The following PHF24 variants were observed in gnomAD, a reference collection of about 807,000 sequenced individuals.
PHF24 encodes PHD finger protein 24.
In PHF24, 25 loss-of-function variants were observed where a neutral mutation model predicts 42.6. The ratio of observed to expected loss-of-function variants is 0.59; its 90% CI spans 0.43 to 0.82. PHF24 has a LOEUF of 0.82. Among genes scored for constraint, PHF24 ranks in the 40% least tolerant of loss-of-function variants. The pLI is 0.00. For synonymous variants in PHF24, 185 were observed against 204.8 expected (o/e 0.90, Z 0.83); for missense variants, 470 against 538.1 (o/e 0.87, Z 1.25).
At chr9:34,906,283 G>A in the PHF24 span, among the ~76,000 whole-genome samples, 2 of 152,198 alleles carry the variant, frequency 1.3e-5, no homozygotes, top group East Asian at 3.9e-4. Context: ...TACATTTTAG[G>A]GAGGCAGAAG....
At chr9:34,711,367 C>T in the PHF24 span, among the ~76,000 whole-genome samples, 1 of 151,430 alleles carries the variant, frequency 6.6e-6, no homozygotes. Context: ...CCACCTCAGT[C>T]TCCTGAGTAG....
chr9:34,922,830 T>C, the PHF24 span: 24 of 1,592,208 alleles, frequency 1.5e-5, no homozygotes, highest in Non-Finnish European at 2.0e-5. Context: ...AGCTCCTTGC[T>C]CAGTTACAGA....
chr9:34,750,413 C>T, the PHF24 span, among the ~76,000 whole-genome samples: 5,785 of 151,730 alleles, frequency 0.038, 382 homozygotes, highest in African/African-American at 0.13. Context: ...TTGCTTGAAC[C>T]CAGGAGGCAG....
chr9:34,906,213 A>C, the PHF24 span, among the ~76,000 whole-genome samples: 1 of 152,026 alleles, frequency 6.6e-6, no homozygotes, highest in Non-Finnish European at 1.5e-5. Flanking sequence ...CCTGGGTAAC[A>C]TAGTCTCAAG....
chr9:34,873,827 C>T, the PHF24 span, among the ~76,000 whole-genome samples: 3 of 151,132 alleles, frequency 2.0e-5, no homozygotes, highest in Admixed American at 1.3e-4. Context: ...TTGATTCTTC[C>T]TACCCATGAG....
the PHF24 span, among the ~76,000 whole-genome samples, chr9:34,870,630 C>A: frequency 2.7e-5 from 4 of 149,906 alleles, no homozygotes; most frequent in African/African-American, 9.8e-5. Flanking sequence ...TGCAGTGGTA[C>A]AATCATGTCT....
At chr9:34,899,248 C>T in the PHF24 span, among the ~76,000 whole-genome samples, 2 of 152,196 alleles carry the variant, frequency 1.3e-5, no homozygotes, top group Admixed American at 6.5e-5. Flanking sequence ...GAGGGCTGCA[C>T]AACTATCAAG....
the PHF24 span, chr9:34,724,287 G>A: frequency 1.9e-6 from 3 of 1,551,492 alleles, no homozygotes; most frequent in East Asian, 2.4e-5. Context: ...GAACCCTGGG[G>A]TACAGCTTTG....
At chr9:34,927,924 G>A in the PHF24 span, among the ~76,000 whole-genome samples, 17 of 152,218 alleles carry the variant, frequency 1.1e-4, no homozygotes, top group South Asian at 3.5e-3. Flanking sequence ...TGAAACTTAT[G>A]TTTTAAAACA....
chr9:34,910,812 G>C, the PHF24 span, among the ~76,000 whole-genome samples: 1 of 151,548 alleles, frequency 6.6e-6, no homozygotes, highest in Non-Finnish European at 1.5e-5. Flanking sequence ...TATATGACTT[G>C]TATCTTGTCT....
At chr9:34,841,201 G>A in the PHF24 span, among the ~76,000 whole-genome samples, 9 of 151,914 alleles carry the variant, frequency 5.9e-5, no homozygotes, top group African/African-American at 1.7e-4. Context: ...GGATTTCACC[G>A]TGTTAGCCAG....
the PHF24 span, among the ~76,000 whole-genome samples, chr9:34,703,586 G>A: frequency 6.6e-6 from 1 of 151,826 alleles, no homozygotes; most frequent in Non-Finnish European, 1.5e-5. Context: ...GCCAAAGTGT[G>A]GCCCAAGTAT....
chr9:34,889,483 T>C, the PHF24 span: 4 of 398,520 alleles, frequency 1.0e-5, no homozygotes, highest in African/African-American at 2.1e-5. Context: ...TTGGTGACAG[T>C]TGGACTCTTC....
At chr9:34,952,788 A>G (rs1048505036), upstream of PHF24, among the ~76,000 whole-genome samples, 1 of 152,230 alleles carries the variant, frequency 6.6e-6, no homozygotes, top group African/African-American at 2.4e-5. Context: ...TATTTAATAT[A>G]TACTCTTTGA....
chr9:34,837,058 T>G, the PHF24 span: 3 of 471,216 alleles, frequency 6.4e-6, no homozygotes, highest in African/African-American at 6.0e-5. Context: ...CAAACAGCAA[T>G]AGATCACCTT....
At chr9:34,732,575 A>G in the PHF24 span, among the ~76,000 whole-genome samples, 1 of 151,924 alleles carries the variant, frequency 6.6e-6, no homozygotes, top group South Asian at 2.1e-4. Flanking sequence ...TTGTCTCTTC[A>G]CTTTGTTGAT....
chr9:34,665,945 C>T, the PHF24 span: 4 of 522,094 alleles, frequency 7.7e-6, no homozygotes, highest in Non-Finnish European at 1.4e-5. Context: ...AGATTTGGGG[C>T]CCTGGGTGAG....
chr9:34,832,347 G>A, the PHF24 span: 3 of 729,762 alleles, frequency 4.1e-6, no homozygotes, highest in South Asian at 3.3e-5. Context: ...ACAGTGACGA[G>A]GACAGTGGTG....
chr9:34,740,035 G>A, the PHF24 span, among the ~76,000 whole-genome samples: 1 of 152,188 alleles, frequency 6.6e-6, no homozygotes, highest in South Asian at 2.1e-4. Context: ...CAAACCCTGA[G>A]CTAGACACAG....
Sources: gnomAD v4.1 joint callset for allele counts (sites outside exome capture counted in the v4.1 genomes callset) on GRCh38, gnomAD v4.1.1 for gene constraint, MANE v1.5 for transcripts, NCBI Gene and HGNC (gene_info 2026-07-23, HGNC 2026-07-21) for gene names.